The following TACC2 variants were observed in gnomAD, a reference collection of about 807,000 sequenced individuals.
The protein encoded by TACC2 is transforming acidic coiled-coil-containing protein 2.
Under a neutral mutation model 227.3 loss-of-function variants are expected in TACC2, and 137 were observed. The observed-to-expected ratio is 0.60, with a 90% CI of 0.52 to 0.69. The LOEUF (loss-of-function observed/expected upper bound fraction) is 0.69. Ranked by LOEUF, TACC2 falls within the 30% of genes least tolerant of loss-of-function variation. The probability of loss-of-function intolerance (pLI) is 0.00; values close to 1 mark genes in which losing one functional copy is unlikely to be tolerated. For synonymous variants in TACC2, 1,523 were observed against 1,487.5 expected (o/e 1.02, Z -0.55); for missense variants, 3,470 against 3,694.4 (o/e 0.94, Z 1.57).
chr10:122,158,736 G>A (rs1444738533), intron 7 of TACC2, among the ~76,000 whole-genome samples: 1 of 152,244 alleles, frequency 6.6e-6, no homozygotes, highest in Non-Finnish European at 1.5e-5. Flanking sequence ...TTAAGCCCAA[G>A]AAACCACTTA....
At chr10:122,056,322 C>G (rs1310567251) in intron 3 of TACC2, among the ~76,000 whole-genome samples, 1 of 152,138 alleles carries the variant, frequency 6.6e-6, no homozygotes, top group Non-Finnish European at 1.5e-5. Context: ...TTACAGGTGC[C>G]TGCCACCATG....
chr10:122,199,097 T>C (rs1302407930), intron 8 of TACC2, among the ~76,000 whole-genome samples: 1 of 152,244 alleles, frequency 6.6e-6, no homozygotes, highest in East Asian at 1.9e-4. Flanking sequence ...AAGGCCCGTG[T>C]TGGGGCCTTG....
At chr10:122,213,880 A>T (rs1158045786) in intron 9 of TACC2, among the ~76,000 whole-genome samples, 2 of 152,208 alleles carry the variant, frequency 1.3e-5, no homozygotes, top group Non-Finnish European at 2.9e-5. Context: ...CCTGAAATGC[A>T]GGGTCAGTGC....
intron 11 of TACC2, among the ~76,000 whole-genome samples, chr10:122,223,117 G>A (rs2095555791): frequency 2.7e-5 from 4 of 145,554 alleles, no homozygotes; most frequent in East Asian, 2.1e-4. Context: ...GCAGTGGTGC[G>A]ATCTTGGCTC....
At chr10:122,134,531 C>A (rs1321672527) in intron 6 of TACC2, among the ~76,000 whole-genome samples, 1 of 152,190 alleles carries the variant, frequency 6.6e-6, no homozygotes, top group Non-Finnish European at 1.5e-5. Context: ...AAAGGAAAAA[C>A]CCTAGCTGCG....
intron 1 of TACC2, among the ~76,000 whole-genome samples, chr10:122,012,476 A>C (rs553621334): frequency 3.4e-5 from 5 of 148,796 alleles, no homozygotes; most frequent in African/African-American, 1.2e-4. Context: ...CTGATCTCGA[A>C]CTCTTGACCT....
chr10:122,132,907 T>C (rs931823516), intron 6 of TACC2, among the ~76,000 whole-genome samples, 173 bp downstream of exon 6: 2 of 151,618 alleles, frequency 1.3e-5, no homozygotes, highest in Non-Finnish European at 2.9e-5. Flanking sequence ...TGTGCCAGAG[T>C]TGGGGCCTCT....
At chr10:122,053,601 C>T (rs566342131) in intron 3 of TACC2, among the ~76,000 whole-genome samples, 4 of 152,236 alleles carry the variant, frequency 2.6e-5, no homozygotes, top group Non-Finnish European at 5.9e-5. Context: ...TCTCCACAAC[C>T]GTAGGCAGGA....
intron 11 of TACC2, among the ~76,000 whole-genome samples, chr10:122,219,078 C>T (rs1481842505): frequency 1.3e-5 from 2 of 151,482 alleles, no homozygotes; most frequent in Non-Finnish European, 2.9e-5. Flanking sequence ...AGAGGCCCTA[C>T]GATCTGGCCT....
At chr10:122,025,578 T>TA (rs1296482628) in intron 2 of TACC2, among the ~76,000 whole-genome samples, 56 of 145,578 alleles carry the variant, frequency 3.8e-4, no homozygotes, top group African/African-American at 1.5e-3. Flanking sequence ...TTTATTTATT[T>TA]TATTTTTTTT....
intron 3 of TACC2, among the ~76,000 whole-genome samples, chr10:122,082,058 A>G (rs757211406): frequency 4.1e-5 from 6 of 148,068 alleles, no homozygotes; most frequent in Middle Eastern, 3.4e-3. Context: ...GCTCACGCCT[A>G]TAATTCCAGC....
chr10:122,084,843 C>G lies in TACC2; in HGVS notation c.2343C>G (p.Pro781=), dbSNP rs867214057. 29 of 1,613,870 alleles carry G rather than the reference C, an allele frequency of 1.8e-5. No individual in the cohort carries two copies. Among genetic ancestry groups the G allele is most frequent in the Non-Finnish European group, 2.5e-5 (29 of 1,180,038 alleles). The change falls in exon 4 of 23, where the codon CCC becomes CCG. Residue 781 remains proline (P), a synonymous_variant. Transcript: ENST00000369005. ...AATTTCATGCTGGGGTGCCACATCC[C>G]CCCCAGGGGGAGAACTTGGCAGCAG... ...RQEFHAGVPH[P]PQGENLAADL...
chr10:122,202,904 A>T (rs1361226489), intron 8 of TACC2, among the ~76,000 whole-genome samples: 1 of 151,182 alleles, frequency 6.6e-6, no homozygotes, highest in African/African-American at 2.4e-5. Flanking sequence ...AACAAAGCAC[A>T]TCTTGCACCG....
In TACC2 at chr10:122,132,662, GC is replaced by G; in HGVS notation, c.5630del (p.Pro1877GlnfsTer3). ...CCCGCTGCCCCCGCAGACCTGGAAA[GC>G]CCAACCTTAGCTGCCTCTTCCTACC... is the stretch of plus-strand genomic sequence containing the variant. ...IQPAAPADLE[S>X]PTLAASSYHG... On this transcript the variant is annotated frameshift_variant, in exon 6 of 23. Coordinates refer to ENST00000369005, the MANE Select transcript of TACC2 (RefSeq NM_206862.4). LOFTEE classifies it high-confidence loss of function. The G allele has an allele frequency of 6.2e-7, 1 of 1,614,200 alleles. No homozygotes were observed.
rs1216683665 is a variant in TACC2 at position 122,210,468 on chromosome 10, C to T, written c.6043C>T (p.Pro2015Ser). 4.3e-6 allele frequency: 7 copies of T among 1,614,086 alleles called. No homozygotes were observed. The Admixed American group carries it at 5.0e-5, about 12-fold the overall frequency. The change falls in exon 9 of 23, where the codon CCC becomes TCC. Residue 2015 changes from proline to serine, a missense_variant. By Grantham distance (74) the Pro-to-Ser change is moderately conservative (BLOSUM62 -1). Transcript: ENST00000369005. This position sits in a 1 kb window ranked among gnomAD's most constrained non-coding sequence, Gnocchi z 4.6. ...SDSVEGSPFR[P>S]PSHSFSAVFD... is the part of the protein sequence containing the mutation. ...CTCGGTGGAAGGAAGTCCCTTCCGT[C>T]CCCCGTCACACTCCTTCTCTGCCGT... is the stretch of plus-strand genomic sequence containing the variant.
chr10:122,203,530 C>T (rs1016871714), intron 8 of TACC2, among the ~76,000 whole-genome samples: 4 of 150,886 alleles, frequency 2.7e-5, no homozygotes, highest in African/African-American at 9.8e-5. Flanking sequence ...ACGGGGCGGC[C>T]GGGCAGAGAC....
At chr10:122,021,791 C>T (rs1338628809) in intron 1 of TACC2, 146 bp from the exon 2 acceptor site, 1 of 591,814 alleles carries the variant, frequency 1.7e-6, no homozygotes, top group Non-Finnish European at 3.0e-6. Flanking sequence ...CGAAAGAAAA[C>T]CCTTCAAAAG....
At chr10:122,152,122 G>A (rs906536896) in intron 7 of TACC2, among the ~76,000 whole-genome samples, 1 of 152,210 alleles carries the variant, frequency 6.6e-6, no homozygotes, top group African/African-American at 2.4e-5. Context: ...GGGCTAAGAG[G>A]CAAAGGATGG....
At chr10:122,111,684 C>T (rs548548584) in intron 5 of TACC2, among the ~76,000 whole-genome samples, 26 of 150,892 alleles carry the variant, frequency 1.7e-4, no homozygotes, top group African/African-American at 5.6e-4. Context: ...TTAGTAGAGA[C>T]GGGGTTTCAC....
Sources: gnomAD v4.1 joint callset for allele counts (sites outside exome capture counted in the v4.1 genomes callset) on GRCh38, gnomAD v4.1.1 for gene constraint, Gnocchi (gnomAD v3.1) non-coding constraint, MANE v1.5 for transcripts, NCBI Gene and HGNC (gene_info 2026-07-23, HGNC 2026-07-21) for gene names.